PFKP: variants seen among roughly 807,000 people sequenced by gnomAD.
PFKP encodes the protein ATP-dependent 6-phosphofructokinase, platelet type.
A neutral mutation model predicts 94.3 loss-of-function variants in PFKP; 101 were observed. The ratio of observed to expected loss-of-function variants is 1.07; its 90% confidence interval spans 0.91 to 1.26. The LOEUF (loss-of-function observed/expected upper bound fraction) is 1.26. PFKP is among the 50% of genes most tolerant of loss of function. PFKP has a pLI of 0.00. For synonymous variants in PFKP, 573 were observed against 432.6 expected (o/e 1.32, Z -4.03); for missense variants, 1,145 against 1,103.3 (o/e 1.04, Z -0.53).
rs1588457753 is a variant in PFKP, at chr10:3,099,485, C to G, written c.264+133C>G. Reference sequence around the variant, plus strand: ...TGGACAGAACAGACTTTGTGAGCAGCTCTTTACTTGTGGTTTGATTTTTAG... The same window carrying G: ...TGGACAGAACAGACTTTGTGAGCAGGTCTTTACTTGTGGTTTGATTTTTAG... On this transcript the variant is annotated intron_variant, in intron 3 of 21. Transcript: ENST00000381125. 1.8e-5 allele frequency: 13 copies of G among 708,896 alleles called. No homozygotes were observed. The East Asian group carries it at 3.3e-4, about 18-fold the overall frequency. The allele number at this position is 708,896 out of a possible 1,614,324, so 43.9% of individuals were successfully genotyped here.
chr10:3,102,661 A>C (rs1835132717), intron 4 of PFKP, among the ~76,000 whole-genome samples: 1 of 152,162 alleles, frequency 6.6e-6, no homozygotes, highest in Admixed American at 6.5e-5. Context: ...CGAACTCCTG[A>C]CCTCAGGTCA....
chr10:3,072,030 G>A (rs765710410), intron 1 of PFKP, among the ~76,000 whole-genome samples: 8 of 152,150 alleles, frequency 5.3e-5, no homozygotes, highest in Non-Finnish European at 1.0e-4. Flanking sequence ...TGTCTTTCCC[G>A]CGCCCAGCAC....
Position 3,073,212 on chromosome 10 carries a change from T to C in PFKP, c.112+5505T>C, listed in dbSNP as rs565544310. Among the ~76,000 whole-genome samples, 19 of 151,822 alleles carry C rather than the reference T, an allele frequency of 1.3e-4. 2 individuals carry two copies. The South Asian group carries it at 4.0e-3, about 32-fold the overall frequency. ...GGTCAGCAGGGTGCTGAGTGCTGAG[T>C]GCTGAGATAGGGTCTTGATGTTTTC... On this transcript the variant is annotated intron_variant, in intron 1 of 21. Coordinates refer to ENST00000381125, the MANE Select transcript of PFKP (RefSeq NM_002627.5).
Position 3,103,818 on chromosome 10 carries a change from T to G in PFKP, c.494T>G (p.Leu165Arg). The stretch of plus-strand genomic sequence containing the variant: ...GAGGCCGTGCAGAAGTACGCCTACC[T>G]CAACGTGGTGGGCATGGTGGGCTCC... ...DKEAVQKYAY[L>R]NVVGMVGSID... is the part of the protein sequence containing the mutation. Residue 165 changes from leucine (L) to arginine (R), a missense_variant, in exon 5 of 22, where the codon CTC becomes CGC. Leu to Arg is a moderately radical substitution (Grantham distance 102, BLOSUM62 -2). This residue lies in a region of PFKP where 1,119 missense variants were observed against 1,062.8 expected (regional missense o/e 1.05). Coordinates refer to ENST00000381125, the MANE Select transcript of PFKP (RefSeq NM_002627.5). 1 of 1,613,900 alleles carries G rather than the reference T, an allele frequency of 6.2e-7. No homozygotes were observed. The highest frequency in any genetic ancestry group is 8.5e-7 in the Non-Finnish European group (1 of 1,179,938).
At chr10:3,071,436 T>TG (rs1564254633) in intron 1 of PFKP, among the ~76,000 whole-genome samples, 1 of 105,428 alleles carries the variant, frequency 9.5e-6, no homozygotes, top group Non-Finnish European at 2.5e-5. Flanking sequence ...TGTTTTTTTT[T>TG]TTTTTTTTTT....
chr10:3,105,507 G>A lies in PFKP; in HGVS notation c.774+6G>A. On this transcript the variant is annotated splice_donor_region_variant and intron_variant, in intron 7 of 21. Transcript: ENST00000381125. The stretch of plus-strand genomic sequence containing the variant: ...TGTGTGTCAAACTCTCGGAGGTAAT[G>A]CGGGTCCCGTGGCCGTTGATAGCGG... 2 of 1,593,194 alleles carry A rather than the reference G, an allele frequency of 1.3e-6. No homozygotes were observed. The highest frequency in any genetic ancestry group is 1.7e-6 in the Non-Finnish European group (2 of 1,161,000).
intron 1 of PFKP, among the ~76,000 whole-genome samples, chr10:3,078,208 G>T (rs1055099613): frequency 3.9e-5 from 6 of 152,348 alleles, no homozygotes; most frequent in Admixed American, 2.6e-4. Flanking sequence ...TACCTGTGAC[G>T]CCAAAAGCCC....
At chr10:3,103,578 A>T (rs1204444569) in intron 4 of PFKP, among the ~76,000 whole-genome samples, 1 of 152,228 alleles carries the variant, frequency 6.6e-6, no homozygotes, top group Non-Finnish European at 1.5e-5. Flanking sequence ...GCAGTGGGCT[A>T]TGATGGTGCC....
chr10:3,132,250 G>A (rs529391114), intron 17 of PFKP, 130 bp from the exon 18 acceptor site: 21 of 660,146 alleles, frequency 3.2e-5, no homozygotes, highest in African/African-American at 7.2e-5. Context: ...GACCCAAGCC[G>A]CGAGAGCTGC....
chr10:3,115,286 G>T (rs535630999), intron 13 of PFKP, among the ~76,000 whole-genome samples: 1 of 149,984 alleles, frequency 6.7e-6, no homozygotes, highest in Admixed American at 6.6e-5. Context: ...TCCCACGGCG[G>T]AGGACAGGAC....
At chr10:3,120,167 G>A (rs958717372) in intron 16 of PFKP, 123 bp downstream of exon 16, 19 of 786,374 alleles carry the variant, frequency 2.4e-5, no homozygotes, top group Middle Eastern at 3.4e-4. Flanking sequence ...AGAGCTTCTC[G>A]TTCTTTTTTT....
chr10:3,092,414 T>C (rs770311846), intron 2 of PFKP, among the ~76,000 whole-genome samples: 7 of 151,896 alleles, frequency 4.6e-5, no homozygotes, highest in Non-Finnish European at 7.4e-5. Flanking sequence ...GAGAGGTGGA[T>C]GGGTGCAAAC....
At chr10:3,103,706 T>C in intron 4 of PFKP, 73 bp from the exon 5 acceptor site, 2 of 1,497,036 alleles carry the variant, frequency 1.3e-6, no homozygotes, top group Non-Finnish European at 1.9e-6. Context: ...CCATTCTGCC[T>C]CACCCCTAGT....
At chr10:3,126,699 G>A (rs946996963) in intron 16 of PFKP, among the ~76,000 whole-genome samples, 2 of 152,266 alleles carry the variant, frequency 1.3e-5, no homozygotes, top group Non-Finnish European at 1.5e-5. Context: ...TTTTTTCTAC[G>A]TTAATGCTGT....
Position 3,128,355 on chromosome 10 carries a change from C to G in PFKP, c.1684-1464C>G, listed in dbSNP as rs80194636. Among the ~76,000 whole-genome samples the G allele has an allele frequency of 1.4e-3, 220 of 152,290 alleles. 1 individual carries two copies. Among genetic ancestry groups the G allele is most frequent in the African/African-American group, 5.1e-3 (210 of 41,558 alleles). ...GGACATGGGGTGGCTCCGAGAGCCC[C>G]TGACAGAGGGAACTTTGTGGTCCTA... On this transcript the variant is annotated intron_variant, in intron 16 of 21. Transcript: ENST00000381125.
intron 16 of PFKP, chr10:3,129,604 AG>A: frequency 1.8e-6 from 1 of 562,558 alleles, no homozygotes; most frequent in Non-Finnish European, 3.1e-6. Context: ...GGTCACCTCC[AG>A]GTGGCTGCCA....
intron 1 of PFKP, chr10:3,068,716 T>C (rs1191024584): frequency 2.0e-6 from 2 of 983,978 alleles, no homozygotes; most frequent in Non-Finnish European, 1.2e-6. Context: ...GATGATGGAG[T>C]GTCCCGATCC....
At chr10:3,118,498 CTTAAT>C (rs1564332708) in intron 14 of PFKP, among the ~76,000 whole-genome samples, 1 of 152,140 alleles carries the variant, frequency 6.6e-6, no homozygotes, top group East Asian at 1.9e-4. Context: ...ATTATAACTT[CTTAAT>C]TTTATTTTTT....
intron 16 of PFKP, among the ~76,000 whole-genome samples, chr10:3,123,852 C>G (rs1837658816): frequency 6.6e-6 from 1 of 152,260 alleles, no homozygotes; most frequent in South Asian, 2.1e-4. Flanking sequence ...GCAGAGCCTG[C>G]ACAGAGCGGC....
Sources: allele counts gnomAD v4.1 joint callset (sites outside exome capture counted in the v4.1 genomes callset), GRCh38; gene constraint gnomAD v4.1.1; regional missense constraint gnomAD v4.1.1; transcripts MANE v1.5; gene names NCBI Gene and HGNC (gene_info 2026-07-23, HGNC 2026-07-21).